Variants in RAB3B observed in about 807,000 individuals in gnomAD.
RAB3B encodes RAB3B, member RAS oncogene family, also known as ras-related protein Rab-3B.
A neutral mutation model predicts 20.5 loss-of-function variants in RAB3B; 11 were observed. That is an observed-to-expected ratio of 0.54 (90% CI 0.34 to 0.89). The LOEUF (loss-of-function observed/expected upper bound fraction) is 0.89, where lower values mean the gene tolerates loss of function less well. RAB3B is among the 40% of genes least tolerant of loss of function. The probability of loss-of-function intolerance (pLI) is 0.02; values close to 1 mark genes in which losing one functional copy is unlikely to be tolerated. For synonymous variants in RAB3B, 99 were observed against 106.3 expected, an observed-to-expected ratio of 0.93 and a Z score of 0.42; for missense variants, 225 against 280.9, an observed-to-expected ratio of 0.80 and a Z score of 1.42.
intron 2 of RAB3B, chr1:51,973,587 C>G (rs1166129232): frequency 6.6e-6 from 1 of 152,202 alleles, no homozygotes; most frequent in Non-Finnish European, 1.5e-5. Flanking sequence ...TGGAAAAACA[C>G]CAGTTCAGCC....
At chr1:51,944,086 T>G (rs1684530726) in intron 2 of RAB3B, among the ~76,000 whole-genome samples, 1 of 152,194 alleles carries the variant, frequency 6.6e-6, no homozygotes, top group Admixed American at 6.5e-5. Context: ...GCTGACTTTC[T>G]CGTTAGGGGT....
At chr1:51,942,931 T>C (rs1222035992) in intron 2 of RAB3B, among the ~76,000 whole-genome samples, 1 of 152,192 alleles carries the variant, frequency 6.6e-6, no homozygotes, top group African/African-American at 2.4e-5. Context: ...ACTATTGTAA[T>C]TGCTTTGGGG....
intron 2 of RAB3B, among the ~76,000 whole-genome samples, chr1:51,950,089 G>A (rs1229920533): frequency 6.6e-6 from 1 of 152,150 alleles, no homozygotes; most frequent in East Asian, 1.9e-4. Context: ...GGTGAGGGGT[G>A]GGCCATGAGT....
rs557425666 is a variant in RAB3B, at chr1:51,908,737, G to T, written c.*11190C>A. The T allele has an allele frequency of 6.6e-6, 1 of 152,092 alleles. No homozygotes were observed. The highest frequency in any genetic ancestry group is 2.1e-4 in the South Asian group (1 of 4,822). The allele number at this position is 152,092 out of a possible 1,614,324, so 9.4% of individuals were successfully genotyped here. A position where few individuals can be genotyped will look rare whatever the true frequency, so the allele number is the denominator to read the frequency against. ...TCAGAATTAGGACTGCCCACTGCGGGGGGAACAGACCCTCCCCTGTTCTGA... is the reference window on the plus strand; with the variant it reads ...TCAGAATTAGGACTGCCCACTGCGGTGGGAACAGACCCTCCCCTGTTCTGA... On this transcript the variant is annotated 3_prime_UTR_variant, in exon 5 of 5. Coordinates refer to ENST00000371655, the MANE Select transcript of RAB3B (RefSeq NM_002867.4).
Position 51,976,964 on chromosome 1 carries a change from C to A in RAB3B, c.154G>T (p.Val52Phe), listed in dbSNP as rs1344130935. 1.2e-6 allele frequency: 2 copies of A among 1,614,186 alleles called. No homozygotes were observed. Among genetic ancestry groups the A allele is most frequent in the Non-Finnish European group, 1.7e-6 (2 of 1,180,022 alleles). The change falls in exon 2 of 5, where the codon GTT (valine) becomes TTT (phenylalanine). Residue 52 changes from valine (V) to phenylalanine (F), a missense_variant. Transcript: ENST00000371655. The stretch of plus-strand genomic sequence containing the variant: ...TTGAAGTCGATGCCCACGGTGCTAA[C>A]GAAGGCTGGGGTGAACGTGTCATCA... ...YADDTFTPAF[V>F]STVGIDFKVK...
rs1273637083 is a variant in RAB3B at position 51,913,448 on chromosome 1, T to C, written c.*6479A>G. 1 of 151,410 alleles carries C rather than the reference T, an allele frequency of 6.6e-6. No individual in the cohort carries two copies. The highest frequency in any genetic ancestry group is 2.4e-5 in the African/African-American group (1 of 41,256). 9.4% of individuals were successfully genotyped at this position (151,410 alleles called of 1,614,324 possible). A position where few individuals can be genotyped will look rare whatever the true frequency, so the allele number is the denominator to read the frequency against. Reference sequence around the variant, plus strand: ...TCACCATATTTTGTAGCTCCTCCCATAAAGAGATGGCATCTATTTCCCCCT... The same window carrying C: ...TCACCATATTTTGTAGCTCCTCCCACAAAGAGATGGCATCTATTTCCCCCT... On this transcript the variant is annotated 3_prime_UTR_variant, in exon 5 of 5. Transcript: ENST00000371655.
intron 2 of RAB3B, among the ~76,000 whole-genome samples, chr1:51,949,492 GC>G (rs1684607508): frequency 6.6e-6 from 1 of 152,202 alleles, no homozygotes; most frequent in South Asian, 2.1e-4. Context: ...CGCACCTTCG[GC>G]CCCTGGAGGG....
At chr1:51,920,740 C>G (rs1684161770) in intron 4 of RAB3B, among the ~76,000 whole-genome samples, 1 of 152,142 alleles carries the variant, frequency 6.6e-6, no homozygotes, top group African/African-American at 2.4e-5. Flanking sequence ...CAGGGATTTT[C>G]CTCCTCTTTC....
chr1:51,944,991 A>G (rs1421493340), intron 2 of RAB3B, among the ~76,000 whole-genome samples: 2 of 152,216 alleles, frequency 1.3e-5, no homozygotes, highest in Non-Finnish European at 2.9e-5. Flanking sequence ...AGAAGAATCA[A>G]TCGATGCAGC....
chr1:51,943,147 G>T (rs1684517115), intron 2 of RAB3B, among the ~76,000 whole-genome samples: 1 of 152,164 alleles, frequency 6.6e-6, no homozygotes, highest in Non-Finnish European at 1.5e-5. Flanking sequence ...ACTTTGGGAG[G>T]CCGAGGCAGG....
chr1:51,968,534 C>T (rs1290595067), intron 2 of RAB3B, among the ~76,000 whole-genome samples: 1 of 152,170 alleles, frequency 6.6e-6, no homozygotes, highest in African/African-American at 2.4e-5. Flanking sequence ...TCCCCAGAAT[C>T]TGGCACAGTA....
chr1:51,977,237 A>C, intron 1 of RAB3B, 120 bp from the exon 2 acceptor site: 1 of 716,192 alleles, frequency 1.4e-6, no homozygotes, highest in Admixed American at 2.3e-5. Flanking sequence ...CCACTGAGGA[A>C]ATGCACACTA....
rs530283336 is a variant in RAB3B, at chr1:51,911,638, A to C, written c.*8289T>G. ...ATCAGGGTCTAGAAAACCAGAGACCACACTCTTTCTCACCTTATGTCTCTG... is the reference window on the plus strand; with the variant it reads ...ATCAGGGTCTAGAAAACCAGAGACCCCACTCTTTCTCACCTTATGTCTCTG... On this transcript the variant is annotated 3_prime_UTR_variant, in exon 5 of 5. Transcript: ENST00000371655. 6.6e-6 allele frequency: 1 copy of C among 152,306 alleles called. No individual in the cohort carries two copies. The highest frequency in any genetic ancestry group is 1.5e-5 in the Non-Finnish European group (1 of 68,040). The allele number at this position is 152,306 out of a possible 1,614,324, so 9.4% of individuals were successfully genotyped here.
chr1:51,933,119 T>G (rs1412645340), intron 4 of RAB3B, among the ~76,000 whole-genome samples, 199 bp downstream of exon 4: 3 of 152,188 alleles, frequency 2.0e-5, no homozygotes, highest in Non-Finnish European at 2.9e-5. Flanking sequence ...TCAAAAATGA[T>G]GAATTATCTA....
At position 51,915,344 on chromosome 1, in the gene RAB3B, C is replaced by T. The variant is rs1409620321; in HGVS notation, c.*4583G>A. On this transcript the variant is annotated 3_prime_UTR_variant, in exon 5 of 5. Transcript: ENST00000371655. ...TGTCTTCTTAGAGGTGATCCAGGAC[C>T]TAGTCCTGGCTCCATCACTGTGATA... 4.6e-5 allele frequency: 7 copies of T among 152,058 alleles called. No individual in the cohort carries two copies. Among genetic ancestry groups the T allele is most frequent in the East Asian group, 1.9e-4 (1 of 5,188 alleles). 9.4% of individuals were successfully genotyped at this position (152,058 alleles called of 1,614,324 possible).
intron 2 of RAB3B, among the ~76,000 whole-genome samples, chr1:51,965,514 G>T (rs978737363): frequency 4.6e-5 from 7 of 151,966 alleles, no homozygotes; most frequent in Non-Finnish European, 8.8e-5. Flanking sequence ...GGGTGCGGTG[G>T]GGGGCACGTG....
intron 2 of RAB3B, among the ~76,000 whole-genome samples, chr1:51,961,158 C>A (rs1005825260): frequency 6.6e-6 from 1 of 152,136 alleles, no homozygotes; most frequent in Non-Finnish European, 1.5e-5. Context: ...GCAGCAGCTT[C>A]TTCAGAGACC....
chr1:51,959,555 A>C (rs1270181238), intron 2 of RAB3B, among the ~76,000 whole-genome samples: 1 of 152,138 alleles, frequency 6.6e-6, no homozygotes, highest in South Asian at 2.1e-4. Flanking sequence ...GTAGAGGGGG[A>C]ATCTCTAGAG....
intron 1 of RAB3B, among the ~76,000 whole-genome samples, chr1:51,980,251 A>C (rs1347247566): frequency 6.6e-6 from 1 of 152,126 alleles, no homozygotes; most frequent in East Asian, 1.9e-4. Context: ...CAACATAGGG[A>C]GACCCCATTT....
Sources: gnomAD v4.1 joint callset for allele counts (sites outside exome capture counted in the v4.1 genomes callset) on GRCh38, gnomAD v4.1.1 for gene constraint, MANE v1.5 for transcripts, NCBI Gene and HGNC (gene_info 2026-07-23, HGNC 2026-07-21) for gene names.